The following SGCZ variants were observed in gnomAD, a reference collection of about 807,000 sequenced individuals.
SGCZ encodes the protein zeta-sarcoglycan.
Under a neutral mutation model 41.3 loss-of-function variants are expected in SGCZ, and 40 were observed. The ratio of observed to expected loss-of-function variants is 0.97; its 90% CI spans 0.75 to 1.26. SGCZ has a LOEUF of 1.26. Ranked by LOEUF, SGCZ falls within the 50% of genes most tolerant of loss-of-function variation. SGCZ has a pLI of 0.00. For missense variants in SGCZ, 552 were observed against 369.8 expected (o/e 1.49, Z -4.04); for synonymous variants, 206 against 137.5 (o/e 1.50, Z -3.49).
chr8:14,869,386 C>T (rs1434602752), intron 1 of SGCZ, among the ~76,000 whole-genome samples: 1 of 152,158 alleles, frequency 6.6e-6, no homozygotes, highest in Non-Finnish European at 1.5e-5. Flanking sequence ...TGAAATTCAA[C>T]ACCGCTTCAT....
intron 1 of SGCZ, among the ~76,000 whole-genome samples, chr8:14,927,032 G>A (rs913200305): frequency 5.3e-5 from 8 of 150,220 alleles, no homozygotes; most frequent in African/African-American, 1.7e-4. Flanking sequence ...TAGTCTTTCA[G>A]TATCAACTAC....
intron 1 of SGCZ, among the ~76,000 whole-genome samples, chr8:14,679,183 A>C (rs1808365231): frequency 6.6e-6 from 1 of 152,162 alleles, no homozygotes; most frequent in African/African-American, 2.4e-5. Context: ...ACAATACATA[A>C]TACTTGATAA....
chr8:14,823,882 T>C (rs1437720942), intron 1 of SGCZ, among the ~76,000 whole-genome samples: 1 of 152,094 alleles, frequency 6.6e-6, no homozygotes, highest in African/African-American at 2.4e-5. Flanking sequence ...TAGACAATGG[T>C]ATATGATTCA....
chr8:14,237,574 T>C lies in SGCZ; in HGVS notation c.424+18A>G, dbSNP rs1172278521. 6.2e-7 allele frequency: 1 copy of C among 1,609,804 alleles called. No homozygotes were observed. The highest frequency in any genetic ancestry group is 8.5e-7 in the Non-Finnish European group (1 of 1,177,842). ...AAACCAAGCACAGTAGGAGCAATCT[T>C]TACCCCAAAACACTCACCTATGGTC... On this transcript the variant is annotated intron_variant, in intron 4 of 7. Transcript: ENST00000382080.
chr8:14,760,346 G>A (rs1238037517), intron 1 of SGCZ, among the ~76,000 whole-genome samples: 1 of 152,146 alleles, frequency 6.6e-6, no homozygotes, highest in Non-Finnish European at 1.5e-5. Context: ...TCCGATGGAA[G>A]AACTGCCATT....
intron 1 of SGCZ, among the ~76,000 whole-genome samples, chr8:15,035,353 A>G (rs1043061051): frequency 2.0e-5 from 3 of 152,156 alleles, no homozygotes; most frequent in Admixed American, 1.3e-4. Context: ...TTGATGCACA[A>G]AATATAAAAA....
rs150410592 is a variant in SGCZ, at chr8:14,327,976, T to G, written c.235-3772A>C. 2.4e-4 allele frequency among the ~76,000 whole-genome samples: 37 copies of G among 152,330 alleles called. No individual in the cohort carries two copies. The East Asian group carries it at 5.8e-3, about 24-fold the overall frequency. ...TTGTACTTTTAGTAGAGACAGGGTT[T>G]CACCATGCTGGACAAGGACTGCTCT... On this transcript the variant is annotated intron_variant, in intron 2 of 7. Transcript: ENST00000382080.
At chr8:14,123,373 T>A (rs1802758544) in intron 5 of SGCZ, among the ~76,000 whole-genome samples, 1 of 152,164 alleles carries the variant, frequency 6.6e-6, no homozygotes, top group South Asian at 2.1e-4. Context: ...TTTGTTGAAA[T>A]GTGGGAAATG....
intron 3 of SGCZ, among the ~76,000 whole-genome samples, chr8:14,271,205 A>G (rs998687449): frequency 2.6e-5 from 4 of 152,234 alleles, no homozygotes; most frequent in Non-Finnish European, 5.9e-5. Context: ...AATTAAAAAA[A>G]AAAAGGAAAT....
At chr8:14,190,233 C>A (rs959102342) in intron 4 of SGCZ, among the ~76,000 whole-genome samples, 1 of 151,802 alleles carries the variant, frequency 6.6e-6, no homozygotes, top group African/African-American at 2.4e-5. Flanking sequence ...AGGATGGTCT[C>A]GAACTCCTGA....
intron 1 of SGCZ, among the ~76,000 whole-genome samples, chr8:14,695,008 A>G (rs1808911606): frequency 6.6e-6 from 1 of 152,198 alleles, no homozygotes; most frequent in African/African-American, 2.4e-5. Flanking sequence ...GGAATATGAC[A>G]AGGGATAAAA....
chr8:14,207,645 C>G (rs1805661660), intron 4 of SGCZ, among the ~76,000 whole-genome samples: 1 of 151,842 alleles, frequency 6.6e-6, no homozygotes, highest in African/African-American at 2.4e-5. Flanking sequence ...TGTAGTAGTG[C>G]TCTATTGTTA....
intron 1 of SGCZ, among the ~76,000 whole-genome samples, chr8:14,647,522 T>C (rs12675449): frequency 0.59 from 90,022 of 151,450 alleles, 27,279 homozygotes; most frequent in East Asian, 0.84. Flanking sequence ...AGTCACCTTC[T>C]CCCTTTCTCT....
In SGCZ at chr8:14,271,399, AGAGTT is replaced by A. The variant is rs1014846534; in HGVS notation, c.337-33725_337-33721del. Among the ~76,000 whole-genome samples the A allele has an allele frequency of 2.1e-4, 32 of 152,372 alleles. 1 individual carries two copies. The highest frequency in any genetic ancestry group is 7.7e-4 in the African/African-American group (32 of 41,590). On this transcript the variant is annotated intron_variant, in intron 3 of 7. Coordinates refer to ENST00000382080, the MANE Select transcript of SGCZ (RefSeq NM_139167.4). ...AATGTGAGCTTTAATATATAATAGT[AGAGTT>A]ATCTCCATGAAGACTTGTAGATAGT...
At chr8:14,860,062 C>T (rs1352054364) in intron 1 of SGCZ, among the ~76,000 whole-genome samples, 3 of 151,110 alleles carry the variant, frequency 2.0e-5, no homozygotes, top group Admixed American at 6.6e-5. Flanking sequence ...CCTTTAGGTT[C>T]CCTCTCCACT....
intron 1 of SGCZ, among the ~76,000 whole-genome samples, chr8:14,915,607 C>A (rs1308557841): frequency 1.3e-5 from 2 of 152,220 alleles, no homozygotes; most frequent in East Asian, 1.9e-4. Flanking sequence ...CTGGAAAGCC[C>A]ATTTGTGTTA....
chr8:14,647,032 G>T (rs1807244645), intron 1 of SGCZ, among the ~76,000 whole-genome samples: 1 of 151,940 alleles, frequency 6.6e-6, no homozygotes, highest in Non-Finnish European at 1.5e-5. Context: ...AGGTGGTCTT[G>T]TGGAATATGG....
At position 14,584,810 on chromosome 8, in the gene SGCZ, C is replaced by T. The variant is rs567791174; in HGVS notation, c.40-29884G>A. On this transcript the variant is annotated intron_variant, in intron 1 of 7. Transcript: ENST00000382080. Reference sequence around the variant, plus strand: ...ATAGGAATTAGGCTAGGAAATAGCACATACAGTATTCACTGTATGATCACA... The same window carrying T: ...ATAGGAATTAGGCTAGGAAATAGCATATACAGTATTCACTGTATGATCACA... Among the ~76,000 whole-genome samples the T allele has an allele frequency of 6.1e-3, 924 of 152,116 alleles. 8 individuals are homozygous for T. Among genetic ancestry groups the T allele is most frequent in the African/African-American group, 0.021 (878 of 41,514 alleles).
At chr8:14,204,048 T>C (rs35513683) in intron 4 of SGCZ, among the ~76,000 whole-genome samples, 36,268 of 152,036 alleles carry the variant, frequency 0.24, 5,557 homozygotes, top group Non-Finnish European at 0.34. Flanking sequence ...CTGGTGCATG[T>C]TGGAAATGCC....
Sources: allele counts gnomAD v4.1 joint callset (sites outside exome capture counted in the v4.1 genomes callset), GRCh38; gene constraint gnomAD v4.1.1; transcripts MANE v1.5; gene names NCBI Gene and HGNC (gene_info 2026-07-23, HGNC 2026-07-21).